Variants in CCDC68 observed in about 807,000 individuals in gnomAD.
The protein encoded by CCDC68 is coiled-coil domain containing 68, also known as coiled-coil domain-containing protein 68.
Under a neutral mutation model 47.1 loss-of-function variants are expected in CCDC68, and 45 were observed. The ratio of observed to expected loss-of-function variants is 0.96; its 90% CI spans 0.75 to 1.23. CCDC68 has a LOEUF of 1.23. Ranked by LOEUF, CCDC68 falls within the 50% of genes most tolerant of loss-of-function variation. The pLI is 0.00. For synonymous variants in CCDC68, 131 were observed against 129.5 expected, an observed-to-expected ratio of 1.01 and a Z score of -0.08; for missense variants, 353 against 373.6, an observed-to-expected ratio of 0.94 and a Z score of 0.45.
intron 9 of CCDC68, 74 bp downstream of exon 9, chr18:54,919,197 G>A: frequency 8.6e-7 from 1 of 1,156,166 alleles, no homozygotes. Flanking sequence ...CAAAAGTCCA[G>A]TCAAGCCACT....
At chr18:54,921,645 C>A (rs891921650) in intron 8 of CCDC68, among the ~76,000 whole-genome samples, 1 of 152,162 alleles carries the variant, frequency 6.6e-6, no homozygotes, top group Non-Finnish European at 1.5e-5. Flanking sequence ...CAAGAACACG[C>A]GTCAAGCGTG....
intron 1 of CCDC68, among the ~76,000 whole-genome samples, chr18:54,957,543 T>G (rs2044733567): frequency 6.6e-6 from 1 of 152,116 alleles, no homozygotes. Context: ...TCAATAAATA[T>G]TGTTTCAATG....
chr18:54,909,237 C>T (rs1914197415), intron 10 of CCDC68, among the ~76,000 whole-genome samples: 1 of 152,142 alleles, frequency 6.6e-6, no homozygotes, highest in Non-Finnish European at 1.5e-5. Context: ...CTTTAAAGGA[C>T]ACACCCATAT....
chr18:54,939,409 T>C (rs369205893), intron 4 of CCDC68, among the ~76,000 whole-genome samples: 10 of 152,116 alleles, frequency 6.6e-5, no homozygotes, highest in African/African-American at 2.4e-4. Flanking sequence ...TGGTTAAAAA[T>C]GCAGATTCTG....
chr18:54,955,378 T>C (rs1398605057), intron 1 of CCDC68, among the ~76,000 whole-genome samples: 1 of 152,152 alleles, frequency 6.6e-6, no homozygotes, highest in Non-Finnish European at 1.5e-5. Flanking sequence ...GCTCTTTTTT[T>C]TCCCCCAAAA....
intron 4 of CCDC68, 87 bp downstream of exon 4, chr18:54,940,910 G>A (rs961727905): frequency 6.7e-5 from 58 of 868,746 alleles, no homozygotes; most frequent in Non-Finnish European, 9.2e-5. Context: ...CTCATCCTTC[G>A]AATCTTCAAA....
intron 1 of CCDC68, among the ~76,000 whole-genome samples, chr18:54,946,765 T>TA (rs2044535034): frequency 6.6e-6 from 1 of 152,190 alleles, no homozygotes; most frequent in Non-Finnish European, 1.5e-5. Context: ...ACAAGTTACA[T>TA]AAAATCTTTG....
chr18:54,924,742 A>T (rs2044117805), intron 8 of CCDC68, among the ~76,000 whole-genome samples: 1 of 152,124 alleles, frequency 6.6e-6, no homozygotes, highest in African/African-American at 2.4e-5. Context: ...CTACTCCCCA[A>T]CGTCTCCCAA....
At chr18:54,938,305 AAG>A (rs1424441369) in intron 4 of CCDC68, among the ~76,000 whole-genome samples, 1 of 152,250 alleles carries the variant, frequency 6.6e-6, no homozygotes, top group Non-Finnish European at 1.5e-5. Flanking sequence ...CTTATATTGA[AAG>A]AGTTAGAATG....
At chr18:54,927,142 G>A (rs1312415943) in intron 8 of CCDC68, among the ~76,000 whole-genome samples, 2 of 152,054 alleles carry the variant, frequency 1.3e-5, no homozygotes, top group Non-Finnish European at 2.9e-5. Context: ...TCATTTTCTT[G>A]TTACTTCACA....
chr18:54,957,065 A>G (rs576454867), intron 1 of CCDC68, among the ~76,000 whole-genome samples: 2 of 152,238 alleles, frequency 1.3e-5, no homozygotes, highest in Admixed American at 1.3e-4. Flanking sequence ...GATGTTTTTC[A>G]GTTTTAAATT....
intron 1 of CCDC68, among the ~76,000 whole-genome samples, chr18:54,952,776 G>A (rs2044640150): frequency 6.6e-6 from 1 of 152,180 alleles, no homozygotes; most frequent in Admixed American, 6.5e-5. Flanking sequence ...ACTTTGGGAG[G>A]CCGAGGCGAG....
chr18:54,934,813 G>T lies in CCDC68; in HGVS notation c.600+7C>A. The T allele has an allele frequency of 1.3e-6, 2 of 1,506,836 alleles. No individual in the cohort carries two copies. Among genetic ancestry groups the T allele is most frequent in the South Asian group, 1.4e-5 (1 of 69,726 alleles). 93.3% of individuals were successfully genotyped at this position (1,506,836 alleles called of 1,614,324 possible). On this transcript the variant is annotated splice_region_variant and intron_variant, in intron 7 of 11. Coordinates refer to ENST00000591504, the MANE Select transcript of CCDC68 (RefSeq NM_025214.3). ...TAAGAAAATCCTCTAATTCTCCAGG[G>T]GCGTACCTTTTCCATTCTCTGTACA... is the stretch of plus-strand genomic sequence containing the variant.
At chr18:54,919,528 T>A (rs888407285) in intron 8 of CCDC68, 152 bp from the exon 9 acceptor site, 4 of 623,076 alleles carry the variant, frequency 6.4e-6, no homozygotes, top group Non-Finnish European at 1.2e-5. Flanking sequence ...TAGGACACAC[T>A]GAAGATAAAT....
chr18:54,914,768 C>T (rs552665028), intron 10 of CCDC68, among the ~76,000 whole-genome samples: 17 of 152,226 alleles, frequency 1.1e-4, no homozygotes, highest in Admixed American at 9.2e-4. Context: ...GAGGGACATA[C>T]GTATATTTCT....
chr18:54,920,409 T>C (rs979128381), intron 8 of CCDC68, among the ~76,000 whole-genome samples: 26 of 152,214 alleles, frequency 1.7e-4, no homozygotes, highest in African/African-American at 5.3e-4. Context: ...CCTGGCTAAT[T>C]TTTGTATTTT....
At position 54,934,815 on chromosome 18, in the gene CCDC68, C is replaced by T. The variant is rs200084908; in HGVS notation, c.600+5G>A. On this transcript the variant is annotated splice_donor_5th_base_variant and intron_variant, in intron 7 of 11. Transcript: ENST00000591504. Reference sequence around the variant, plus strand: ...AGAAAATCCTCTAATTCTCCAGGGGCGTACCTTTTCCATTCTCTGTACAAG... The same window carrying T: ...AGAAAATCCTCTAATTCTCCAGGGGTGTACCTTTTCCATTCTCTGTACAAG... 954 of 1,513,416 alleles carry T rather than the reference C, an allele frequency of 6.3e-4. 1 individual carries two copies. Among genetic ancestry groups the T allele is most frequent in the Non-Finnish European group, 7.7e-4 (867 of 1,132,814 alleles). The allele number at this position is 1,513,416 out of a possible 1,614,324, so 93.7% of individuals were successfully genotyped here.
chr18:54,957,356 A>G lies in CCDC68; in HGVS notation c.-103+1980T>C, dbSNP rs181086535. ...TAATCTAGTTTTAGTCACTGTCGAA[A>G]TTGAATGGATCATTTATGTGGTCTG... On this transcript the variant is annotated intron_variant, in intron 1 of 11. Transcript: ENST00000591504. Among the ~76,000 whole-genome samples, 3 of 152,338 alleles carry G rather than the reference A, an allele frequency of 2.0e-5. No homozygotes were observed. In the East Asian group the frequency reaches 5.8e-4, roughly 29 times the overall value.
At chr18:54,944,167 A>T (rs2044483659) in intron 2 of CCDC68, among the ~76,000 whole-genome samples, 1 of 152,158 alleles carries the variant, frequency 6.6e-6, no homozygotes, top group South Asian at 2.1e-4. Flanking sequence ...AGCAGTTAGC[A>T]TCCCTCACGG....
Sources: gnomAD v4.1 joint callset for allele counts (sites outside exome capture counted in the v4.1 genomes callset) on GRCh38, gnomAD v4.1.1 for gene constraint, MANE v1.5 for transcripts, NCBI Gene and HGNC (gene_info 2026-07-23, HGNC 2026-07-21) for gene names.